The following LTC4S variants were observed in gnomAD, a reference collection of about 807,000 sequenced individuals.
LTC4S encodes the protein leukotriene C4 synthase.
Under a neutral mutation model 19.6 loss-of-function variants are expected in LTC4S, and 18 were observed. The observed-to-expected ratio is 0.92, with a 90% CI of 0.64 to 1.36. The LOEUF (loss-of-function observed/expected upper bound fraction) is 1.36, where lower values mean the gene tolerates loss of function less well. LTC4S is among the 40% of genes most tolerant of loss of function. The pLI is 0.00. For missense variants in LTC4S, 235 were observed against 212.2 expected (o/e 1.11, Z -0.67); for synonymous variants, 126 against 110.1 (o/e 1.14, Z -0.91).
At chr5:179,794,429 T>C (rs1191019547) in intron 1 of LTC4S, among the ~76,000 whole-genome samples, 1 of 152,184 alleles carries the variant, frequency 6.6e-6, no homozygotes, top group African/African-American at 2.4e-5. Flanking sequence ...CCCCATTCCC[T>C]GGCTCTGCTT....
At chr5:179,795,543 C>T in intron 1 of LTC4S, 41 bp from the exon 2 acceptor site, 2 of 1,575,612 alleles carry the variant, frequency 1.3e-6, no homozygotes, top group Non-Finnish European at 1.7e-6. Flanking sequence ...TCTGGGGCTT[C>T]GGGTGTCCAG....
At chr5:179,795,121 C>G (rs1329456902) in intron 1 of LTC4S, among the ~76,000 whole-genome samples, 1 of 152,110 alleles carries the variant, frequency 6.6e-6, no homozygotes, top group African/African-American at 2.4e-5. Flanking sequence ...GGTGGGTGAC[C>G]AGGGACTGTT....
chr5:179,795,890 C>T (rs762624373), intron 3 of LTC4S, 34 bp downstream of exon 3: 32 of 1,595,608 alleles, frequency 2.0e-5, no homozygotes, highest in Middle Eastern at 1.8e-4. Context: ...ACGCGCTGGA[C>T]CCCCGGGACC....
Position 179,795,923 on chromosome 5 carries a change from C to T in LTC4S, c.230-18C>T. The stretch of plus-strand genomic sequence containing the variant: ...ACCCGCGCAGGGCGCTCACCAGGCC[C>T]GTGCGTACCTCTCGCAGGGGCGGCG... On this transcript the variant is annotated intron_variant, in intron 3 of 4. Coordinates refer to ENST00000292596, the MANE Select transcript of LTC4S (RefSeq NM_145867.2). 6.3e-7 allele frequency: 1 copy of T among 1,578,310 alleles called. No homozygotes were observed. Among genetic ancestry groups the T allele is most frequent in the African/African-American group, 1.3e-5 (1 of 74,502 alleles).
chr5:179,795,546 G>C (rs1241927181), intron 1 of LTC4S, 38 bp from the exon 2 acceptor site: 1 of 1,579,226 alleles, frequency 6.3e-7, no homozygotes, highest in South Asian at 1.2e-5. Context: ...GGGGCTTCGG[G>C]TGTCCAGACC....
At chr5:179,795,104 G>A (rs1392857222) in intron 1 of LTC4S, among the ~76,000 whole-genome samples, 1 of 152,202 alleles carries the variant, frequency 6.6e-6, no homozygotes. Context: ...GCTGGTGGGC[G>A]CTGGTAGGTG....
chr5:179,796,321 T>A lies in LTC4S; in HGVS notation c.380T>A (p.Leu127His), dbSNP rs1418513126. 16 of 1,485,358 alleles carry A rather than the reference T, an allele frequency of 1.1e-5. No homozygotes were observed. The South Asian group carries it at 1.9e-4, about 18-fold the overall frequency. The allele number at this position is 1,485,358 out of a possible 1,614,324, so 92.0% of individuals were successfully genotyped here. A position where few individuals can be genotyped will look rare whatever the true frequency, so the allele number is the denominator to read the frequency against. Residue 127 changes from leucine (L) to histidine (H), a missense_variant, in exon 5 of 5, where the codon CTC (leucine) becomes CAC (histidine). Physicochemically the swap from Leu to His is moderately conservative, Grantham distance 99. Coordinates refer to ENST00000292596, the MANE Select transcript of LTC4S (RefSeq NM_145867.2). ...LLVALAALGL[L>H]AHFLPAALRA... The stretch of plus-strand genomic sequence containing the variant: ...GTGGCGCTGGCTGCGCTCGGCCTGC[T>A]CGCCCACTTCCTCCCGGCCGCGCTG...
In LTC4S at chr5:179,796,416, G is replaced by A. The variant is rs1039856520; in HGVS notation, c.*22G>A. The A allele has an allele frequency of 2.0e-6, 3 of 1,477,050 alleles. No individual in the cohort carries two copies. Among genetic ancestry groups the A allele is most frequent in the African/African-American group, 1.5e-5 (1 of 68,186 alleles). 91.5% of individuals were successfully genotyped at this position (1,477,050 alleles called of 1,614,324 possible). ...CTGAGACCAAGGCCCCCGGGCCGAC[G>A]GAGCCGGGAAAGAAGAGCCGGAGCC... is the stretch of plus-strand genomic sequence containing the variant. On this transcript the variant is annotated 3_prime_UTR_variant, in exon 5 of 5. Transcript: ENST00000292596.
At chr5:179,794,771 G>C (rs930743316) in intron 1 of LTC4S, among the ~76,000 whole-genome samples, 1 of 152,250 alleles carries the variant, frequency 6.6e-6, no homozygotes, top group Non-Finnish European at 1.5e-5. Flanking sequence ...GACTCAGGGG[G>C]AGATGGTCCG....
chr5:179,795,458 G>A, intron 1 of LTC4S, 126 bp from the exon 2 acceptor site: 1 of 1,493,270 alleles, frequency 6.7e-7, no homozygotes, highest in Non-Finnish European at 9.0e-7. Flanking sequence ...CGGGGAGGGG[G>A]CGGGGTTCCG....
Position 179,796,574 on chromosome 5 carries a change from G to A in LTC4S, c.*180G>A, listed in dbSNP as rs775727355. On this transcript the variant is annotated 3_prime_UTR_variant, in exon 5 of 5. Coordinates refer to ENST00000292596, the MANE Select transcript of LTC4S (RefSeq NM_145867.2). ...ACCGCGGGCTACGGAGCCTGGAGGG[G>A]CCCAGCCCGAGTCCGGGCAGCCCGG... 6 of 1,002,956 alleles carry A rather than the reference G, an allele frequency of 6.0e-6. No individual in the cohort carries two copies. The highest frequency in any genetic ancestry group is 6.6e-6 in the Non-Finnish European group (5 of 758,942). The allele number at this position is 1,002,956 out of a possible 1,614,324, so 62.1% of individuals were successfully genotyped here.
At chr5:179,795,230 T>G (rs1756566876) in intron 1 of LTC4S, 1 of 436,098 alleles carries the variant, frequency 2.3e-6, no homozygotes, top group Admixed American at 5.0e-5. Context: ...AAAGCTGCAT[T>G]TGCCTGTGTT....
chr5:179,795,292 G>C (rs1008303186), intron 1 of LTC4S: 3 of 1,032,724 alleles, frequency 2.9e-6, no homozygotes, highest in Non-Finnish European at 3.9e-6. Context: ...CTCTCGCGGA[G>C]CAGGTGTCCC....
At position 179,796,611 on chromosome 5, in the gene LTC4S, T is replaced by G; in HGVS notation, c.*217T>G. The G allele has an allele frequency of 3.4e-6, 2 of 594,258 alleles. No homozygotes were observed. The highest frequency in any genetic ancestry group is 5.1e-6 in the Non-Finnish European group (2 of 391,832). 36.8% of individuals were successfully genotyped at this position (594,258 alleles called of 1,614,324 possible). A position where few individuals can be genotyped will look rare whatever the true frequency, so the allele number is the denominator to read the frequency against. On this transcript the variant is annotated 3_prime_UTR_variant, in exon 5 of 5. Transcript: ENST00000292596. Reference sequence around the variant, plus strand: ...TCCGGGCAGCCCGGGGCGGGCTTCCTAGTGGCGGCGTGAGAGTGGCTGCGA... The same window carrying G: ...TCCGGGCAGCCCGGGGCGGGCTTCCGAGTGGCGGCGTGAGAGTGGCTGCGA...
At chr5:179,794,258 G>A in intron 1 of LTC4S, 120 bp downstream of exon 1, 1 of 1,321,018 alleles carries the variant, frequency 7.6e-7, no homozygotes. Flanking sequence ...AGCTGGAAGA[G>A]GGTGGGGACT....
chr5:179,796,488 A>G lies in LTC4S; in HGVS notation c.*94A>G. 2.2e-6 allele frequency: 3 copies of G among 1,364,388 alleles called. No homozygotes were observed. The highest frequency in any genetic ancestry group is 3.2e-5 in the South Asian group (2 of 63,040). The allele number at this position is 1,364,388 out of a possible 1,614,324, so 84.5% of individuals were successfully genotyped here. A position where few individuals can be genotyped will look rare whatever the true frequency, so the allele number is the denominator to read the frequency against. Reference sequence around the variant, plus strand: ...CGCTCGCTTCCGCATCCTAGTCTCTATCATTAAAGTTCTAGTGACCGAGAC... The same window carrying G: ...CGCTCGCTTCCGCATCCTAGTCTCTGTCATTAAAGTTCTAGTGACCGAGAC... On this transcript the variant is annotated 3_prime_UTR_variant, in exon 5 of 5. Transcript: ENST00000292596.
intron 4 of LTC4S, 23 bp from the exon 5 acceptor site, chr5:179,796,230 T>A: frequency 2.1e-6 from 3 of 1,441,326 alleles, no homozygotes; most frequent in Non-Finnish European, 2.7e-6. Context: ...TCGCGCCACC[T>A]CCCCGCTGAC....
At position 179,795,936 on chromosome 5, in the gene LTC4S, C is replaced by CGA. The variant is rs1400582827; in HGVS notation, c.230-4_230-3insAG. ...GCTCACCAGGCCCGTGCGTACCTCT[C>CGA]GCAGGGGCGGCGGCCCTGTGCGGCC... On this transcript the variant is annotated splice_polypyrimidine_tract_variant and splice_region_variant and intron_variant, in intron 3 of 4. Coordinates refer to ENST00000292596, the MANE Select transcript of LTC4S (RefSeq NM_145867.2). 1.3e-6 allele frequency: 2 copies of CGA among 1,569,142 alleles called. No homozygotes were observed. Among genetic ancestry groups the CGA allele is most frequent in the Non-Finnish European group, 1.7e-6 (2 of 1,162,574 alleles).
rs1756644277 is a variant in LTC4S at position 179,796,625 on chromosome 5, G to A, written c.*231G>A. On this transcript the variant is annotated 3_prime_UTR_variant, in exon 5 of 5. Transcript: ENST00000292596. ...GGCGGGCTTCCTAGTGGCGGCGTGAGAGTGGCTGCGAAGGAACGAGCCCTC... is the reference window on the plus strand; with the variant it reads ...GGCGGGCTTCCTAGTGGCGGCGTGAAAGTGGCTGCGAAGGAACGAGCCCTC... 1 of 515,066 alleles carries A rather than the reference G, an allele frequency of 1.9e-6. No homozygotes were observed. The highest frequency in any genetic ancestry group is 3.1e-6 in the Non-Finnish European group (1 of 319,656). 31.9% of individuals were successfully genotyped at this position (515,066 alleles called of 1,614,324 possible). A position where few individuals can be genotyped will look rare whatever the true frequency, so the allele number is the denominator to read the frequency against.
Sources: gnomAD v4.1 joint callset for allele counts (sites outside exome capture counted in the v4.1 genomes callset) on GRCh38, gnomAD v4.1.1 for gene constraint, MANE v1.5 for transcripts, NCBI Gene and HGNC (gene_info 2026-07-23, HGNC 2026-07-21) for gene names.